The following WNK1 variants were observed in gnomAD, a reference collection of about 807,000 sequenced individuals.
WNK1 encodes serine/threonine-protein kinase WNK1.
In WNK1, 38 loss-of-function variants were observed where a neutral mutation model predicts 222.8. That is an observed-to-expected ratio of 0.17 (90% CI 0.13 to 0.22). The LOEUF (loss-of-function observed/expected upper bound fraction) is 0.22. WNK1 is among the 10% of genes least tolerant of loss of function. WNK1 has a pLI of 1.00. For missense variants in WNK1, 2,348 were observed against 2,918.4 expected (o/e 0.80, Z 4.50); for synonymous variants, 1,090 against 1,092.9 (o/e 1.00, Z 0.05).
chr12:907,349 G>A (rs1955797533), intron 26 of WNK1, among the ~76,000 whole-genome samples: 2 of 150,026 alleles, frequency 1.3e-5, no homozygotes, highest in Non-Finnish European at 3.0e-5. Context: ...TAAAGAATGT[G>A]GCAGTGTCCA....
At chr12:893,425 CAT>C (rs1275762107) in intron 22 of WNK1, among the ~76,000 whole-genome samples, 1 of 152,010 alleles carries the variant, frequency 6.6e-6, no homozygotes, top group East Asian at 1.9e-4. Context: ...TACATGAAAA[CAT>C]AAAAATCGCT....
At chr12:806,610 T>G (rs1259090440) in intron 1 of WNK1, among the ~76,000 whole-genome samples, 2 of 152,180 alleles carry the variant, frequency 1.3e-5, no homozygotes, top group Non-Finnish European at 2.9e-5. Context: ...CAATGTTTAT[T>G]TTGATATGAC....
intron 5 of WNK1, among the ~76,000 whole-genome samples, chr12:857,844 C>A (rs1389864669): frequency 1.3e-5 from 2 of 152,136 alleles, no homozygotes; most frequent in South Asian, 4.1e-4. Context: ...TCAGGCATGG[C>A]GAAGGTCCAG....
chr12:800,373 A>C (rs1945755884), intron 1 of WNK1, among the ~76,000 whole-genome samples: 1 of 152,150 alleles, frequency 6.6e-6, no homozygotes, highest in African/African-American at 2.4e-5. Context: ...TAGAAAATAA[A>C]AAGATCATAT....
chr12:773,421 T>C (rs566689177), intron 1 of WNK1, among the ~76,000 whole-genome samples: 17 of 152,292 alleles, frequency 1.1e-4, no homozygotes, highest in Admixed American at 3.3e-4. Context: ...ACCAAAGATA[T>C]TTTGAAAATA....
Position 885,466 on chromosome 12 carries a change from A to G in WNK1, c.4662A>G (p.Gly1554=), listed in dbSNP as rs983739310. The G allele has an allele frequency of 6.2e-7, 1 of 1,613,792 alleles. No individual in the cohort carries two copies. Among genetic ancestry groups the G allele is most frequent in the African/African-American group, 1.3e-5 (1 of 74,904 alleles). ...LSAPSSSSSP[G]AGVSSYISQP... Reference sequence around the variant, plus strand: ...CACCATCTTCCTCTTCCTCTCCTGGAGCAGGAGTGTCTAGTTATATTTCTC... The same window carrying G: ...CACCATCTTCCTCTTCCTCTCCTGGGGCAGGAGTGTCTAGTTATATTTCTC... The change falls in exon 19 of 28, where the codon GGA becomes GGG. Residue 1554 remains glycine, a synonymous_variant. Transcript: ENST00000315939.
intron 4 of WNK1, among the ~76,000 whole-genome samples, chr12:845,917 C>G (rs1372595140): frequency 6.6e-6 from 1 of 152,134 alleles, no homozygotes; most frequent in African/African-American, 2.4e-5. Flanking sequence ...TTTACATATA[C>G]TGTTTTAATC....
chr12:876,490 C>G (rs1952629143), intron 9 of WNK1, among the ~76,000 whole-genome samples: 1 of 152,066 alleles, frequency 6.6e-6, no homozygotes, highest in Non-Finnish European at 1.5e-5. Context: ...TTTTAGCATT[C>G]TTTTGGTGAT....
intron 7 of WNK1, among the ~76,000 whole-genome samples, chr12:861,739 T>C (rs1256808428): frequency 6.6e-6 from 1 of 152,196 alleles, no homozygotes; most frequent in African/African-American, 2.4e-5. Flanking sequence ...TAAAAACTAA[T>C]GAGAACACTG....
intron 14 of WNK1, 142 bp from the exon 15 acceptor site, chr12:882,800 CA>C (rs1170118842): frequency 1.5e-6 from 1 of 660,232 alleles, no homozygotes; most frequent in Non-Finnish European, 2.7e-6. Flanking sequence ...GTTTAAGAGA[CA>C]AAGTACTAGT....
intron 1 of WNK1, among the ~76,000 whole-genome samples, chr12:759,658 A>C (rs1940738987): frequency 6.8e-6 from 1 of 147,770 alleles, no homozygotes; most frequent in African/African-American, 2.4e-5. Flanking sequence ...CCTGGTCTGC[A>C]GGAATAGGTG....
Position 882,017 on chromosome 12 carries a change from G to C in WNK1, c.3316G>C (p.Val1106Leu), listed in dbSNP as rs199611881. Reference protein sequence around the residue: ...RTTKRHYRKSVRSRSRHEKTS... With the variant: ...RTTKRHYRKSLRSRSRHEKTS... ...TACAAAACGGCATTACCGAAAATCTGTAAGGAGTCGCTCTCGACATGAAAA... is the reference window on the plus strand; with the variant it reads ...TACAAAACGGCATTACCGAAAATCTCTAAGGAGTCGCTCTCGACATGAAAA... Residue 1106 changes from valine to leucine, a missense_variant, in exon 14 of 28, where the codon GTA becomes CTA. Coordinates refer to ENST00000315939, the MANE Select transcript of WNK1 (RefSeq NM_018979.4). 4.2e-5 allele frequency: 68 copies of C among 1,614,106 alleles called. No individual in the cohort carries two copies. The Admixed American group carries it at 1.1e-3, about 27-fold the overall frequency.
chr12:803,246 G>T (rs1222695419), intron 1 of WNK1, among the ~76,000 whole-genome samples: 1 of 151,938 alleles, frequency 6.6e-6, no homozygotes, highest in Non-Finnish European at 1.5e-5. Context: ...TCTTTGTTGG[G>T]GTACAAAATT....
rs763397988 is a variant in WNK1, at chr12:885,051, T to C, written c.4247T>C (p.Ile1416Thr). 192 of 1,614,078 alleles carry C rather than the reference T, an allele frequency of 1.2e-4. No homozygotes were observed. The highest frequency in any genetic ancestry group is 1.6e-4 in the Non-Finnish European group (186 of 1,180,038). The part of the protein sequence containing the change: ...SPVLSSVVSS[I>T]TIPAVVSIST... ...GTACTTTCCAGCGTAGTTTCAAGTA[T>C]CACAATACCTGCAGTTGTCTCAATA... is the stretch of plus-strand genomic sequence containing the variant. Residue 1416 changes from isoleucine (I) to threonine (T), a missense_variant, in exon 19 of 28, where the codon ATC becomes ACC. Around this residue, in one of 13 missense-constraint regions of WNK1, gnomAD observed 1,144 missense variants for 1,273.6 expected, o/e 0.90. Transcript: ENST00000315939.
At chr12:770,313 A>G (rs946334226) in intron 1 of WNK1, among the ~76,000 whole-genome samples, 11 of 152,186 alleles carry the variant, frequency 7.2e-5, no homozygotes, top group Admixed American at 7.2e-4. Flanking sequence ...GTGGGGAGGA[A>G]GCATTTAGAC....
chr12:795,285 G>C (rs1005235140), intron 1 of WNK1, among the ~76,000 whole-genome samples: 1 of 143,728 alleles, frequency 7.0e-6, no homozygotes, highest in Non-Finnish European at 1.5e-5. Context: ...GGTCTATTCA[G>C]ATTTTCCGTT....
intron 1 of WNK1, among the ~76,000 whole-genome samples, chr12:813,063 A>G (rs1436806422): frequency 1.3e-5 from 2 of 152,144 alleles, no homozygotes; most frequent in Admixed American, 6.5e-5. Context: ...GCAAGACCTC[A>G]TCTCTACAAA....
chr12:753,889 C>T lies in WNK1; in HGVS notation c.324C>T (p.Pro108=). ...LPLSLPQPSI[P]AAVPQSAPPE... Reference sequence around the variant, plus strand: ...TTTCCCTGCCCCAGCCCAGCATCCCCGCGGCTGTCCCGCAGAGTGCTCCAC... The same window carrying T: ...TTTCCCTGCCCCAGCCCAGCATCCCTGCGGCTGTCCCGCAGAGTGCTCCAC... The change falls in exon 1 of 28, where the codon CCC becomes CCT. Residue 108 remains proline (P), a synonymous_variant. Coordinates refer to ENST00000315939, the MANE Select transcript of WNK1 (RefSeq NM_018979.4). The surrounding 1 kb of genome is among the most constrained non-coding windows in gnomAD (Gnocchi z 5.2). 6.2e-7 allele frequency: 1 copy of T among 1,611,848 alleles called. No homozygotes were observed.
Position 881,142 on chromosome 12 carries a change from C to G in WNK1, c.3111+143C>G, listed in dbSNP as rs577742595. The G allele has an allele frequency of 6.5e-5, 72 of 1,108,524 alleles. 2 individuals carry two copies. The Middle Eastern group carries it at 8.6e-4, about 13-fold the overall frequency. 68.7% of individuals were successfully genotyped at this position (1,108,524 alleles called of 1,614,324 possible). ...CTAACTTCTGCATGACTTTTTCTTACAGCAGAATGAAATGCCAATGTGGGG... is the reference window on the plus strand; with the variant it reads ...CTAACTTCTGCATGACTTTTTCTTAGAGCAGAATGAAATGCCAATGTGGGG... On this transcript the variant is annotated intron_variant, in intron 12 of 27. Coordinates refer to ENST00000315939, the MANE Select transcript of WNK1 (RefSeq NM_018979.4).
Sources: gnomAD v4.1 joint callset for allele counts (sites outside exome capture counted in the v4.1 genomes callset) on GRCh38, gnomAD v4.1.1 for gene constraint, gnomAD v4.1.1 regional missense constraint, Gnocchi (gnomAD v3.1) non-coding constraint, MANE v1.5 for transcripts, NCBI Gene and HGNC (gene_info 2026-07-23, HGNC 2026-07-21) for gene names.